The following MARCHF1 variants were observed in gnomAD, a reference collection of about 807,000 sequenced individuals.
MARCHF1 encodes membrane associated ring-CH-type finger 1.
A neutral mutation model predicts 54.2 loss-of-function variants in MARCHF1; 40 were observed. The ratio of observed to expected loss-of-function variants is 0.74; its 90% CI spans 0.57 to 0.96. The LOEUF (loss-of-function observed/expected upper bound fraction) is 0.96. MARCHF1 is among the 40% of genes least tolerant of loss of function. MARCHF1 has a pLI of 0.00. For missense variants in MARCHF1, 586 were observed against 656.5 expected (o/e 0.89, Z 1.17); for synonymous variants, 236 against 236.3 (o/e 1.00, Z 0.01).
intron 5 of MARCHF1, among the ~76,000 whole-genome samples, chr4:163,698,988 T>A (rs1438171795): frequency 6.6e-6 from 1 of 152,162 alleles, no homozygotes; most frequent in Non-Finnish European, 1.5e-5. Context: ...ATTATCATCA[T>A]CCTTATGTCA....
At chr4:164,298,785 G>T (rs1734476853) in intron 1 of MARCHF1, among the ~76,000 whole-genome samples, 1 of 152,034 alleles carries the variant, frequency 6.6e-6, no homozygotes, top group Admixed American at 6.6e-5. Context: ...CTAGAAAGAA[G>T]GTTATATTTT....
chr4:164,235,780 A>T (rs2111192616), intron 1 of MARCHF1, among the ~76,000 whole-genome samples: 1 of 152,250 alleles, frequency 6.6e-6, no homozygotes, highest in South Asian at 2.1e-4. Flanking sequence ...ACCAGTACAC[A>T]TTAGGTACAA....
At chr4:163,623,452 T>C (rs1392301434) in intron 5 of MARCHF1, among the ~76,000 whole-genome samples, 1 of 152,236 alleles carries the variant, frequency 6.6e-6, no homozygotes, top group Admixed American at 6.5e-5. Flanking sequence ...GAAAATGTCC[T>C]ACATTGTATG....
intron 3 of MARCHF1, among the ~76,000 whole-genome samples, chr4:163,857,382 A>G (rs1340893542): frequency 1.3e-5 from 2 of 152,132 alleles, no homozygotes; most frequent in Non-Finnish European, 2.9e-5. Flanking sequence ...TACTCATCAT[A>G]TTTTTAGGTG....
intron 8 of MARCHF1, among the ~76,000 whole-genome samples, chr4:163,556,891 T>C (rs192901996): frequency 9.9e-5 from 15 of 152,172 alleles, no homozygotes; most frequent in Non-Finnish European, 2.2e-4. Context: ...AAGATTTTTT[T>C]TTTTTTTTAA....
intron 1 of MARCHF1, among the ~76,000 whole-genome samples, chr4:164,133,319 T>G (rs1467174776): frequency 6.6e-6 from 1 of 152,190 alleles, no homozygotes; most frequent in Non-Finnish European, 1.5e-5. Context: ...CTGGAGGACA[T>G]GTCCATTATT....
chr4:164,310,235 G>A (rs1325991226), intron 1 of MARCHF1, among the ~76,000 whole-genome samples: 5 of 151,876 alleles, frequency 3.3e-5, no homozygotes, highest in East Asian at 2.0e-4. Context: ...GCACCACCAC[G>A]CCCAGCTAAT....
At position 163,854,079 on chromosome 4, in the gene MARCHF1, T is replaced by C; in HGVS notation, c.53A>G (p.Asn18Ser). 6.5e-7 allele frequency: 1 copy of C among 1,536,966 alleles called. No homozygotes were observed. Among genetic ancestry groups the C allele is most frequent in the Middle Eastern group, 1.7e-4 (1 of 5,990 alleles). Residue 18 changes from asparagine to serine, a missense_variant, in exon 4 of 10, where the codon AAC (asparagine) becomes AGC (serine). Coordinates refer to ENST00000514618, the MANE Select transcript of MARCHF1 (RefSeq NM_001394959.1). The part of the protein sequence containing the change: ...IARNPHRIPN[N>S]TRTPEISGDL... ...CCCTGAGATCTCGGGTGTTCGCGTG[T>C]TGTTTGGAATTCTGTGAGGGTTACG...
intron 1 of MARCHF1, among the ~76,000 whole-genome samples, chr4:164,213,438 T>A (rs1328969103): frequency 6.6e-6 from 1 of 151,752 alleles, no homozygotes; most frequent in South Asian, 2.1e-4. Flanking sequence ...GGTTTCACCG[T>A]GTTAGCCAGG....
chr4:164,321,505 T>C (rs529156078), intron 1 of MARCHF1, among the ~76,000 whole-genome samples: 153 of 151,828 alleles, frequency 1.0e-3, no homozygotes, highest in Non-Finnish European at 1.5e-3. Flanking sequence ...AACTATTCCA[T>C]ATACAGAGAA....
At chr4:164,041,848 G>T (rs895328994) in intron 2 of MARCHF1, among the ~76,000 whole-genome samples, 9 of 152,062 alleles carry the variant, frequency 5.9e-5, no homozygotes, top group African/African-American at 2.2e-4. Flanking sequence ...TATTTCATTT[G>T]CTTTTCTCTT....
intron 1 of MARCHF1, among the ~76,000 whole-genome samples, chr4:164,254,950 A>G (rs1242191567): frequency 2.6e-5 from 4 of 152,142 alleles, no homozygotes; most frequent in African/African-American, 9.7e-5. Context: ...TGACAGTATT[A>G]ACCATCACAA....
intron 2 of MARCHF1, among the ~76,000 whole-genome samples, chr4:164,016,034 C>T (rs1753533909): frequency 6.6e-6 from 1 of 152,130 alleles, no homozygotes; most frequent in Admixed American, 6.6e-5. Flanking sequence ...GTACCCACAA[C>T]AGCTAAGATA....
intron 5 of MARCHF1, among the ~76,000 whole-genome samples, chr4:163,633,979 T>C (rs1248733856): frequency 6.6e-6 from 1 of 152,140 alleles, no homozygotes; most frequent in African/African-American, 2.4e-5. Flanking sequence ...ACCCAGAATT[T>C]CATATCCAGC....
At chr4:164,025,610 T>C (rs1753751157) in intron 2 of MARCHF1, among the ~76,000 whole-genome samples, 1 of 151,898 alleles carries the variant, frequency 6.6e-6, no homozygotes, top group Non-Finnish European at 1.5e-5. Context: ...CACTAAATGC[T>C]TTCATCAATA....
At chr4:163,667,954 G>T (rs1315742173) in intron 5 of MARCHF1, among the ~76,000 whole-genome samples, 1 of 152,102 alleles carries the variant, frequency 6.6e-6, no homozygotes, top group East Asian at 1.9e-4. Flanking sequence ...TAAAAAGTAT[G>T]ATTTTTACGG....
intron 3 of MARCHF1, among the ~76,000 whole-genome samples, chr4:163,869,775 TCTCCTCA>T (rs1463186024): frequency 6.6e-6 from 1 of 152,088 alleles, no homozygotes; most frequent in Non-Finnish European, 1.5e-5. Context: ...TATTTATGAA[TCTCCTCA>T]CAACTTAGGT....
At chr4:164,324,055 A>G (rs978107213) in intron 1 of MARCHF1, among the ~76,000 whole-genome samples, 1 of 151,906 alleles carries the variant, frequency 6.6e-6, no homozygotes, top group African/African-American at 2.4e-5. Context: ...AATTATTTCA[A>G]TGAAAACTTT....
intron 3 of MARCHF1, among the ~76,000 whole-genome samples, chr4:163,950,425 A>C (rs1031775580): frequency 1.3e-5 from 2 of 152,306 alleles, no homozygotes; most frequent in Non-Finnish European, 2.9e-5. Context: ...GGGCACCCAG[A>C]ATGGGGAGAG....
Sources: gnomAD v4.1 joint callset for allele counts (sites outside exome capture counted in the v4.1 genomes callset) on GRCh38, gnomAD v4.1.1 for gene constraint, MANE v1.5 for transcripts, NCBI Gene and HGNC (gene_info 2026-07-23, HGNC 2026-07-21) for gene names.